ROR1: variants seen among roughly 807,000 people sequenced by gnomAD.
The protein encoded by ROR1 is ROR family WNT receptor 1, also known as inactive tyrosine-protein kinase transmembrane receptor ROR1.
Under a neutral mutation model 78.8 loss-of-function variants are expected in ROR1, and 19 were observed. That is an observed-to-expected ratio of 0.24 (90% CI 0.17 to 0.35). The LOEUF (loss-of-function observed/expected upper bound fraction) is 0.35, where lower values mean the gene tolerates loss of function less well. ROR1 is among the 10% of genes least tolerant of loss of function. The probability of loss-of-function intolerance (pLI) is 1.00; values close to 1 mark genes in which losing one functional copy is unlikely to be tolerated. For synonymous variants in ROR1, 386 were observed against 433.6 expected (o/e 0.89, Z 1.36); for missense variants, 917 against 1,177.8 (o/e 0.78, Z 3.24).
chr1:63,802,941 A>C (rs1644805614), intron 1 of ROR1, among the ~76,000 whole-genome samples: 1 of 152,250 alleles, frequency 6.6e-6, no homozygotes, highest in African/African-American at 2.4e-5. Flanking sequence ...TAACCCAGTA[A>C]ATCCAAAATA....
At chr1:64,130,406 C>T (rs1240942287) in intron 4 of ROR1, among the ~76,000 whole-genome samples, 1 of 152,108 alleles carries the variant, frequency 6.6e-6, no homozygotes, top group Non-Finnish European at 1.5e-5. Flanking sequence ...CATATTTAAC[C>T]TGTAATCTCT....
At chr1:64,036,266 T>A (rs929173468) in intron 2 of ROR1, among the ~76,000 whole-genome samples, 6 of 152,112 alleles carry the variant, frequency 3.9e-5, no homozygotes, top group Admixed American at 2.6e-4. Context: ...CATCCACCCA[T>A]CCATCCAGTA....
chr1:63,809,735 G>C (rs1031286619), intron 1 of ROR1, among the ~76,000 whole-genome samples: 1 of 152,180 alleles, frequency 6.6e-6, no homozygotes, highest in Admixed American at 6.5e-5. Flanking sequence ...AAGGGGCATG[G>C]GATCCTGAAA....
intron 4 of ROR1, among the ~76,000 whole-genome samples, chr1:64,052,574 C>T (rs1269096269): frequency 6.6e-6 from 1 of 152,088 alleles, no homozygotes; most frequent in Admixed American, 6.5e-5. Context: ...ATTTTATACC[C>T]CTGTTGTGAA....
chr1:63,784,698 G>T (rs1644673246), intron 1 of ROR1, among the ~76,000 whole-genome samples: 1 of 152,176 alleles, frequency 6.6e-6, no homozygotes, highest in South Asian at 2.1e-4. Flanking sequence ...TCTGAGACTG[G>T]CTTTCCTCAC....
chr1:63,837,479 T>C (rs1366396179), intron 1 of ROR1, among the ~76,000 whole-genome samples: 1 of 152,148 alleles, frequency 6.6e-6, no homozygotes, highest in Non-Finnish European at 1.5e-5. Flanking sequence ...GTAGAGCAGG[T>C]TTTTTTCTTT....
At chr1:64,122,492 A>G (rs955473142) in intron 4 of ROR1, among the ~76,000 whole-genome samples, 1 of 152,166 alleles carries the variant, frequency 6.6e-6, no homozygotes, top group Non-Finnish European at 1.5e-5. Flanking sequence ...TTCAGCAGTC[A>G]TGTACTGGAA....
chr1:64,140,012 C>A, intron 5 of ROR1, 97 bp from the exon 6 acceptor site: 1 of 1,119,758 alleles, frequency 8.9e-7, no homozygotes, highest in Non-Finnish European at 1.3e-6. Context: ...ACGGCGGATT[C>A]CTTGCAATGT....
intron 4 of ROR1, among the ~76,000 whole-genome samples, chr1:64,083,935 G>A (rs1439903951): frequency 6.6e-6 from 1 of 152,196 alleles, no homozygotes; most frequent in Non-Finnish European, 1.5e-5. Context: ...GGAAAATCTT[G>A]CCTTAAATGC....
At chr1:64,035,658 A>G (rs1392227964) in intron 2 of ROR1, among the ~76,000 whole-genome samples, 1 of 152,150 alleles carries the variant, frequency 6.6e-6, no homozygotes, top group Non-Finnish European at 1.5e-5. Context: ...TGGGGGCCAT[A>G]GAGTGTTGAT....
intron 1 of ROR1, among the ~76,000 whole-genome samples, chr1:63,963,718 A>G (rs1038970677): frequency 6.6e-6 from 1 of 152,166 alleles, no homozygotes; most frequent in Non-Finnish European, 1.5e-5. Context: ...TCATATGACT[A>G]AGTCCTCACC....
chr1:64,051,464 AAATAAAATAAAAT>A (rs759416370), intron 4 of ROR1, among the ~76,000 whole-genome samples: 2,991 of 145,146 alleles, frequency 0.021, 111 homozygotes, highest in African/African-American at 0.066. Flanking sequence ...ATAAAAAATA[AAATAAAATAAAAT>A]AAAATAAAAT....
At chr1:64,124,365 C>G (rs532590275) in intron 4 of ROR1, among the ~76,000 whole-genome samples, 1 of 152,180 alleles carries the variant, frequency 6.6e-6, no homozygotes, top group South Asian at 2.1e-4. Flanking sequence ...TCAAGCTTTG[C>G]CTTTCTTTTT....
chr1:64,055,147 G>T (rs1405975185), intron 4 of ROR1, among the ~76,000 whole-genome samples: 1 of 152,138 alleles, frequency 6.6e-6, no homozygotes, highest in African/African-American at 2.4e-5. Flanking sequence ...GGGAGGACAT[G>T]GTTCAACCCA....
chr1:63,797,475 C>T (rs558482719), intron 1 of ROR1, among the ~76,000 whole-genome samples: 21 of 152,230 alleles, frequency 1.4e-4, no homozygotes, highest in South Asian at 6.2e-4. Flanking sequence ...TATCAGAGTC[C>T]GGAGGACTTT....
At chr1:63,973,487 C>G (rs1272986457) in intron 1 of ROR1, among the ~76,000 whole-genome samples, 1 of 152,182 alleles carries the variant, frequency 6.6e-6, no homozygotes, top group Non-Finnish European at 1.5e-5. Flanking sequence ...CCGTGACAAT[C>G]TGTTTGGAAT....
intron 8 of ROR1, among the ~76,000 whole-genome samples, chr1:64,166,483 T>C (rs1379034438): frequency 6.6e-6 from 1 of 152,228 alleles, no homozygotes; most frequent in African/African-American, 2.4e-5. Context: ...TCTTCCAATC[T>C]ATGAGCATGG....
intron 1 of ROR1, among the ~76,000 whole-genome samples, chr1:63,776,980 T>C (rs1569685298): frequency 6.6e-6 from 1 of 152,258 alleles, no homozygotes; most frequent in Non-Finnish European, 1.5e-5. Context: ...AGCGGAGATA[T>C]GTTTCATGTA....
chr1:64,136,978 G>A (rs367659344), intron 4 of ROR1, among the ~76,000 whole-genome samples: 3 of 152,080 alleles, frequency 2.0e-5, no homozygotes, highest in Non-Finnish European at 2.9e-5. Context: ...GTTCGCCCAC[G>A]CCTTTGTAGC....
Sources: gnomAD v4.1 joint callset for allele counts (sites outside exome capture counted in the v4.1 genomes callset) on GRCh38, gnomAD v4.1.1 for gene constraint, MANE v1.5 for transcripts, NCBI Gene and HGNC (gene_info 2026-07-23, HGNC 2026-07-21) for gene names.